FAM133A: variants seen among roughly 807,000 people sequenced by gnomAD.
FAM133A encodes protein FAM133A.
For missense variants in FAM133A, 159 were observed against 164.4 expected, an observed-to-expected ratio of 0.97 and a Z score of 0.18; for synonymous variants, 65 against 58.6, an observed-to-expected ratio of 1.11 and a Z score of -0.50.
At chrX:93,696,125 C>A (rs1926248834) in intron 2 of FAM133A, among the ~76,000 whole-genome samples, 1 of 111,690 alleles carries the variant, frequency 9.0e-6, no homozygotes, top group Non-Finnish European at 1.9e-5. Context: ...CTAACCAGTT[C>A]TAAGCCTGTG....
rs1031672598 is a variant in FAM133A at position 93,711,234 on chromosome X, C to A, written c.*1068C>A. The A allele has an allele frequency of 8.2e-6, 1 of 122,284 alleles. No individual in the cohort carries two copies. Among genetic ancestry groups the A allele is most frequent in the African/African-American group, 3.3e-5 (1 of 30,582 alleles). The allele number at this position is 122,284 out of a possible 1,213,427, so 10.1% of individuals were successfully genotyped here. A position where few individuals can be genotyped will look rare whatever the true frequency, so the allele number is the denominator to read the frequency against. On this transcript the variant is annotated 3_prime_UTR_variant, in exon 4 of 4. Transcript: ENST00000683942. ...CTTCATATTGAAGCTGGTTACTGTA[C>A]GCAAGTTGAGTGCCAGACCTCTAGT... is the stretch of plus-strand genomic sequence containing the variant.
chrX:93,694,584 C>A (rs1926103848), intron 2 of FAM133A, among the ~76,000 whole-genome samples: 1 of 111,327 alleles, frequency 9.0e-6, no homozygotes, highest in Admixed American at 9.5e-5. Flanking sequence ...AAAATCTAAT[C>A]ATTTAACAGG....
At chrX:93,684,681 T>A (rs909799236) in intron 2 of FAM133A, among the ~76,000 whole-genome samples, 2 of 112,013 alleles carry the variant, frequency 1.8e-5, no homozygotes, top group Admixed American at 1.9e-4. Flanking sequence ...ACCAGTGAAA[T>A]CAGATTGAAG....
chrX:93,688,384 G>T (rs930443142), intron 2 of FAM133A, among the ~76,000 whole-genome samples: 3 of 110,602 alleles, frequency 2.7e-5, no homozygotes, highest in Non-Finnish European at 5.7e-5. Flanking sequence ...CCGAATCACT[G>T]ATTTTCTGTT....
rs749386717 is a variant in FAM133A, at chrX:93,710,146, T to A, written c.727T>A (p.Ser243Thr). 8 of 1,179,512 alleles carry A rather than the reference T, an allele frequency of 6.8e-6. No individual in the cohort carries two copies. The Admixed American group carries it at 2.1e-4, about 31-fold the overall frequency. Reference sequence around the variant, plus strand: ...TAAGAAGAAGAAAAAGAAGTCTGGATCAAGTCACAAGTCAAGGTAACATCA... The same window carrying A: ...TAAGAAGAAGAAAAAGAAGTCTGGAACAAGTCACAAGTCAAGGTAACATCA... ...HSKKKKKKSG[S>T]SHKSR The change falls in exon 4 of 4, where the codon TCA (serine) becomes ACA (threonine). Residue 243 changes from serine to threonine, a missense_variant. Ser to Thr is a moderately conservative substitution (Grantham distance 58). Transcript: ENST00000683942.
intron 3 of FAM133A, among the ~76,000 whole-genome samples, chrX:93,708,725 A>G (rs1261350929): frequency 8.9e-6 from 1 of 112,247 alleles, no homozygotes; most frequent in African/African-American, 3.2e-5. Flanking sequence ...CTTACTAGGT[A>G]CTAGAGATTA....
intron 2 of FAM133A, among the ~76,000 whole-genome samples, chrX:93,684,597 A>G (rs1220690864): frequency 8.9e-6 from 1 of 111,949 alleles, no homozygotes; most frequent in Non-Finnish European, 1.9e-5. Context: ...AAAAAAGTAT[A>G]GATGCATATA....
At chrX:93,702,737 A>G (rs1602842224) in intron 3 of FAM133A, among the ~76,000 whole-genome samples, 2 of 108,025 alleles carry the variant, frequency 1.9e-5, no homozygotes, top group African/African-American at 6.8e-5. Flanking sequence ...TAACCTTAGC[A>G]ATAAGTTAGT....
intron 2 of FAM133A, among the ~76,000 whole-genome samples, chrX:93,680,996 A>C (rs950418860): frequency 9.0e-6 from 1 of 111,151 alleles, no homozygotes; most frequent in African/African-American, 3.3e-5. Context: ...TTGAATGTAC[A>C]AACAGCGTAC....
At chrX:93,703,102 T>A (rs1282730911) in intron 3 of FAM133A, among the ~76,000 whole-genome samples, 1 of 111,141 alleles carries the variant, frequency 9.0e-6, no homozygotes, top group Non-Finnish European at 1.9e-5. Flanking sequence ...GGCAACAGAA[T>A]CGCTTGAGCC....
intron 2 of FAM133A, among the ~76,000 whole-genome samples, chrX:93,683,804 G>A (rs1266878512): frequency 9.0e-6 from 1 of 111,601 alleles, no homozygotes; most frequent in African/African-American, 3.3e-5. Context: ...TTGGCCGTTT[G>A]CATGTCTTCT....
intron 3 of FAM133A, among the ~76,000 whole-genome samples, chrX:93,699,821 C>T (rs1321262889): frequency 1.8e-5 from 2 of 111,260 alleles, no homozygotes; most frequent in East Asian, 5.7e-4. Flanking sequence ...CATATTTAAG[C>T]TACTTAAAGT....
Position 93,710,531 on chromosome X carries a change from T to TA in FAM133A, c.*366dup, listed in dbSNP as rs1462725990. On this transcript the variant is annotated 3_prime_UTR_variant, in exon 4 of 4. Coordinates refer to ENST00000683942, the MANE Select transcript of FAM133A (RefSeq NM_001171109.2). ...GTAATTTCCAGACAATTGTAGTTGG[T>TA]ATTTTTGATGCAAGGACTTAATATT... 1 of 148,953 alleles carries TA rather than the reference T, an allele frequency of 6.7e-6. No individual in the cohort carries two copies. The highest frequency in any genetic ancestry group is 3.1e-5 in the African/African-American group (1 of 32,523). 12.3% of individuals were successfully genotyped at this position (148,953 alleles called of 1,213,427 possible).
intron 2 of FAM133A, among the ~76,000 whole-genome samples, chrX:93,682,020 A>C (rs1439512772): frequency 1.8e-5 from 2 of 111,614 alleles, no homozygotes; most frequent in African/African-American, 6.5e-5. Context: ...AGTTCTTTGA[A>C]AGGTCTTTCT....
intron 3 of FAM133A, among the ~76,000 whole-genome samples, chrX:93,698,829 T>G (rs1926493155): frequency 8.9e-6 from 1 of 111,803 alleles, no homozygotes; most frequent in South Asian, 3.7e-4. Context: ...GTATATTTGC[T>G]TATTTTTTTG....
intron 3 of FAM133A, among the ~76,000 whole-genome samples, chrX:93,707,125 A>G (rs1042187664): frequency 8.9e-6 from 1 of 112,226 alleles, no homozygotes; most frequent in Non-Finnish European, 1.9e-5. Flanking sequence ...ATTCTATTGT[A>G]AGTGTCAAGT....
At chrX:93,702,863 A>AAAAAAC (rs1926807786) in intron 3 of FAM133A, among the ~76,000 whole-genome samples, 4 of 88,812 alleles carry the variant, frequency 4.5e-5, no homozygotes, top group Non-Finnish European at 6.7e-5. Flanking sequence ...AAAAAAAAAA[A>AAAAAAC]AAAAAAACAA....
At position 93,710,266 on chromosome X, in the gene FAM133A, A is replaced by G. The variant is rs200555896; in HGVS notation, c.*100A>G. 8.5e-4 allele frequency: 826 copies of G among 973,693 alleles called. 9 individuals carry two copies. The East Asian group carries it at 0.023, about 27-fold the overall frequency. The allele number at this position is 973,693 out of a possible 1,213,427, so 80.2% of individuals were successfully genotyped here. A position where few individuals can be genotyped will look rare whatever the true frequency, so the allele number is the denominator to read the frequency against. ...CCTATCAAATCCCACTGTGCCAGTA[A>G]GGGGCATAGTGGCTGCTGGCAACTT... On this transcript the variant is annotated 3_prime_UTR_variant, in exon 4 of 4. Coordinates refer to ENST00000683942, the MANE Select transcript of FAM133A (RefSeq NM_001171109.2).
chrX:93,676,527 T>G (rs966146209), intron 2 of FAM133A, among the ~76,000 whole-genome samples: 1 of 110,742 alleles, frequency 9.0e-6, no homozygotes, highest in African/African-American at 3.3e-5. Flanking sequence ...GGCCTTGACT[T>G]AAGACAACTA....
Sources: allele counts gnomAD v4.1 joint callset (sites outside exome capture counted in the v4.1 genomes callset), GRCh38; gene constraint gnomAD v4.1.1; transcripts MANE v1.5; gene names NCBI Gene and HGNC (gene_info 2026-07-23, HGNC 2026-07-21).